EBF2: variants seen among roughly 807,000 people sequenced by gnomAD.
EBF2 encodes the protein transcription factor COE2.
Under a neutral mutation model 72.8 loss-of-function variants are expected in EBF2, and 21 were observed. That is an observed-to-expected ratio of 0.29 (90% confidence interval 0.20 to 0.42). The LOEUF is 0.42. EBF2 is among the 10% of genes least tolerant of loss of function. The pLI is 1.00. For synonymous variants in EBF2, 299 were observed against 274.2 expected (o/e 1.09, Z -0.89); for missense variants, 637 against 731.2 (o/e 0.87, Z 1.49).
At position 25,935,130 on chromosome 8, in the gene EBF2, GC is replaced by G. The variant is rs1197862096; in HGVS notation, c.552-26576del. On this transcript the variant is annotated intron_variant, in intron 6 of 15. Transcript: ENST00000520164. ...GCTTTTTTGGATGGTGGTACCCAAGGCCCCCCATCCTTCATTCTTCCTAACA... is the reference window on the plus strand; with the variant it reads ...GCTTTTTTGGATGGTGGTACCCAAGGCCCCCATCCTTCATTCTTCCTAACA... Among the ~76,000 whole-genome samples the G allele has an allele frequency of 2.0e-5, 3 of 152,110 alleles. No individual in the cohort carries two copies. The East Asian group carries it at 5.8e-4, about 30-fold the overall frequency.
intron 6 of EBF2, among the ~76,000 whole-genome samples, chr8:25,915,462 G>A (rs1803198012): frequency 6.6e-6 from 1 of 152,120 alleles, no homozygotes; most frequent in African/African-American, 2.4e-5. Flanking sequence ...TCCTATCAGG[G>A]AGTGCACTCT....
chr8:25,980,873 A>G (rs1804350966), intron 6 of EBF2, among the ~76,000 whole-genome samples: 1 of 135,340 alleles, frequency 7.4e-6, no homozygotes, highest in Admixed American at 7.7e-5. Context: ...ACCCATGAGA[A>G]AACTGCAACC....
intron 5 of EBF2, among the ~76,000 whole-genome samples, chr8:26,037,803 A>T (rs1805527797): frequency 6.6e-6 from 1 of 152,198 alleles, no homozygotes; most frequent in Non-Finnish European, 1.5e-5. Flanking sequence ...AACAGAGACC[A>T]TTGGGGAAGG....
At chr8:25,970,303 C>T (rs768192717) in intron 6 of EBF2, among the ~76,000 whole-genome samples, 3 of 152,146 alleles carry the variant, frequency 2.0e-5, no homozygotes, top group Non-Finnish European at 4.4e-5. Context: ...CTCTTCCATT[C>T]GCTTCGACAG....
chr8:25,903,698 AAAACAAACAAAC>A (rs531121025), intron 7 of EBF2, among the ~76,000 whole-genome samples: 8 of 152,190 alleles, frequency 5.3e-5, no homozygotes, highest in Non-Finnish European at 7.3e-5. Flanking sequence ...CTCCGTCTCA[AAAACAAACAAAC>A]AAACAAACAA....
intron 6 of EBF2, among the ~76,000 whole-genome samples, chr8:26,011,996 C>A (rs4282583): frequency 0.98 from 148,493 of 152,204 alleles, 72,457 homozygotes; most frequent in East Asian, 1. Flanking sequence ...GACCCGAAGT[C>A]TGAGAAAACT....
rs933282836 is a variant in EBF2, at chr8:25,996,247, A to G, written c.551+36838T>C. ...GAGGTGAAGGTTGCAGTGAGCCAAG[A>G]TCATGCCACTGTACTCTAAGCCTGG... On this transcript the variant is annotated intron_variant, in intron 6 of 15. Transcript: ENST00000520164. 4.0e-5 allele frequency among the ~76,000 whole-genome samples: 6 copies of G among 150,870 alleles called. No individual in the cohort carries two copies. In the South Asian group the frequency reaches 1.3e-3, roughly 32 times the overall value.
intron 6 of EBF2, among the ~76,000 whole-genome samples, chr8:25,968,163 C>G (rs1416263839): frequency 6.6e-6 from 1 of 151,918 alleles, no homozygotes; most frequent in Admixed American, 6.6e-5. Flanking sequence ...GAATCATGAT[C>G]GAGCAATTCC....
chr8:26,025,616 G>C (rs899192567), intron 6 of EBF2, among the ~76,000 whole-genome samples: 1 of 152,016 alleles, frequency 6.6e-6, no homozygotes, highest in East Asian at 1.9e-4. Flanking sequence ...TCATTTTCTC[G>C]AACAAAATTT....
At chr8:25,896,037 A>G (rs1360328409) in intron 7 of EBF2, among the ~76,000 whole-genome samples, 3 of 151,922 alleles carry the variant, frequency 2.0e-5, no homozygotes, top group Non-Finnish European at 4.4e-5. Flanking sequence ...GTTGGGCCCT[A>G]CTCCCAGCTA....
intron 6 of EBF2, among the ~76,000 whole-genome samples, chr8:25,976,688 G>A (rs1185100708): frequency 6.6e-6 from 1 of 152,140 alleles, no homozygotes; most frequent in African/African-American, 2.4e-5. Flanking sequence ...CTCACTTAAT[G>A]CTGAAGGTCT....
chr8:25,956,077 T>A (rs1286976554), intron 6 of EBF2, among the ~76,000 whole-genome samples: 3 of 152,048 alleles, frequency 2.0e-5, no homozygotes, highest in South Asian at 2.1e-4. Context: ...AATGGGCAGG[T>A]GTGTAGGTCT....
chr8:26,010,147 G>C (rs1804952927), intron 6 of EBF2, among the ~76,000 whole-genome samples: 1 of 152,176 alleles, frequency 6.6e-6, no homozygotes, highest in African/African-American at 2.4e-5. Context: ...ATCTGGGCTG[G>C]TACAAAAGGG....
rs1287495892 is a variant in EBF2 at position 26,040,049 on chromosome 8, A to T, written c.461T>A (p.Leu154Gln). Residue 154 changes from leucine to glutamine, a missense_variant, in exon 5 of 16, where the codon CTG (leucine) becomes CAG (glutamine). Leu to Gln is a moderately radical substitution (Grantham distance 113). Transcript: ENST00000520164. Reference sequence around the variant, plus strand: ...TTACCTACACATCACTTCGTGCGTCAGGAGAACTCGGCACATTTCCGGATT... The same window carrying T: ...TTACCTACACATCACTTCGTGCGTCTGGAGAACTCGGCACATTTCCGGATT... ...NKNPEMCRVL[L>Q]THEVMCSRCC... is the part of the protein sequence containing the mutation. 3.1e-6 allele frequency: 5 copies of T among 1,614,072 alleles called. No individual in the cohort carries two copies. The highest frequency in any genetic ancestry group is 1.3e-5 in the African/African-American group (1 of 75,052).
chr8:25,979,487 G>A (rs1804324780), intron 6 of EBF2, among the ~76,000 whole-genome samples: 1 of 152,202 alleles, frequency 6.6e-6, no homozygotes. Context: ...TGGAACACAG[G>A]ACCCCTGAAG....
At chr8:25,958,541 T>C (rs1803985633) in intron 6 of EBF2, among the ~76,000 whole-genome samples, 1 of 152,210 alleles carries the variant, frequency 6.6e-6, no homozygotes, top group Admixed American at 6.5e-5. Context: ...AATTCCAGCT[T>C]TGTGCCAAAT....
rs1263187020 is a variant in EBF2, at chr8:25,842,109, A to G, written c.*2500T>C. On this transcript the variant is annotated 3_prime_UTR_variant, in exon 16 of 16. Transcript: ENST00000520164. ...AAAAATCTTACACAGCTCCTCTTAC[A>G]AACACAGGATAGAGTTTGTAGTTAC... The G allele has an allele frequency of 6.6e-6, 1 of 152,238 alleles. No homozygotes were observed. The highest frequency in any genetic ancestry group is 1.5e-5 in the Non-Finnish European group (1 of 68,040). The allele number at this position is 152,238 out of a possible 1,614,324, so 9.4% of individuals were successfully genotyped here.
At chr8:25,854,706 G>C (rs1409702487) in intron 14 of EBF2, among the ~76,000 whole-genome samples, 1 of 151,966 alleles carries the variant, frequency 6.6e-6, no homozygotes, top group African/African-American at 2.4e-5. Context: ...AGAATTCAAA[G>C]AGGTTATTCT....
At chr8:25,878,865 G>C (rs531307303) in intron 10 of EBF2, among the ~76,000 whole-genome samples, 1 of 152,244 alleles carries the variant, frequency 6.6e-6, no homozygotes, top group South Asian at 2.1e-4. Flanking sequence ...CCTTCTCAAA[G>C]GCAGTTTCTG....
Sources: gnomAD v4.1 joint callset for allele counts (sites outside exome capture counted in the v4.1 genomes callset) on GRCh38, gnomAD v4.1.1 for gene constraint, MANE v1.5 for transcripts, NCBI Gene and HGNC (gene_info 2026-07-23, HGNC 2026-07-21) for gene names.